The following HSD11B1L variants were observed in gnomAD, a reference collection of about 807,000 sequenced individuals.
HSD11B1L encodes hydroxysteroid 11-beta-dehydrogenase 1-like protein.
A neutral mutation model predicts 27.0 loss-of-function variants in HSD11B1L; 22 were observed. That is an observed-to-expected ratio of 0.81 (90% CI 0.58 to 1.16). HSD11B1L has a LOEUF of 1.16. Ranked by LOEUF, HSD11B1L falls within the 50% of genes most tolerant of loss-of-function variation. The pLI is 0.00. For missense variants in HSD11B1L, 372 were observed against 401.8 expected (o/e 0.93, Z 0.63); for synonymous variants, 187 against 189.2 (o/e 0.99, Z 0.09).
Position 5,687,717 on chromosome 19 carries a change from C to A in HSD11B1L, c.669-36C>A. The A allele has an allele frequency of 6.6e-7, 1 of 1,510,116 alleles. No individual in the cohort carries two copies. Among genetic ancestry groups the A allele is most frequent in the East Asian group, 2.5e-5 (1 of 40,610 alleles). The allele number at this position is 1,510,116 out of a possible 1,614,324, so 93.5% of individuals were successfully genotyped here. On this transcript the variant is annotated intron_variant, in intron 7 of 7. Coordinates refer to ENST00000339423, the MANE Select transcript of HSD11B1L (RefSeq NM_198706.3). This position sits in a 1 kb window ranked among gnomAD's most constrained non-coding sequence, Gnocchi z 6.6. ...CTGGGCTGGGGGCCATGGCCCAGCC[C>A]CAGCCGCAGTCCCCACCGTGCCCTC...
intron 4 of HSD11B1L, 86 bp from the exon 5 acceptor site, chr19:5,686,814 G>T: frequency 2.6e-6 from 3 of 1,163,034 alleles, no homozygotes; most frequent in Non-Finnish European, 3.6e-6. Context: ...CTGGACCAGC[G>T]CTCTGGGTGG....
rs1163232763 is a variant in HSD11B1L, at chr19:5,687,359, GGT to G, written c.489_490del (p.Ser164LeufsTer153). ...CGGACAGCAAGGGCTCCCTGGTGGT[GGT>G]GTCCTCGCTGCTCGGTGCGTGCACC... The part of the protein sequence containing the change: ...LTDSKGSLVV[V>X]SSLLGRVPTS... On this transcript the variant is annotated frameshift_variant, in exon 6 of 8. Transcript: ENST00000339423. LOFTEE classifies it high-confidence loss of function. This position sits in a 1 kb window ranked among gnomAD's most constrained non-coding sequence, Gnocchi z 6.6. The G allele has an allele frequency of 7.4e-6, 12 of 1,612,418 alleles. No homozygotes were observed. The highest frequency in any genetic ancestry group is 1.0e-5 in the Non-Finnish European group (12 of 1,179,698).
At position 5,687,174 on chromosome 19, in the gene HSD11B1L, G is replaced by A; in HGVS notation, c.409-108G>A. 7.6e-7 allele frequency: 1 copy of A among 1,317,696 alleles called. No individual in the cohort carries two copies. The highest frequency in any genetic ancestry group is 1.3e-5 in the South Asian group (1 of 76,418). The allele number at this position is 1,317,696 out of a possible 1,614,324, so 81.6% of individuals were successfully genotyped here. ...CCCCGCCCTCGGACCCGCCTTCCGG[G>A]TTTCTGGCCCCGTCTCTGACCCGGC... On this transcript the variant is annotated intron_variant, in intron 5 of 7. Transcript: ENST00000339423. This position sits in a 1 kb window ranked among gnomAD's most constrained non-coding sequence, Gnocchi z 6.6.
rs1568299839 is a variant in HSD11B1L at position 5,685,358 on chromosome 19, C to T, written c.204+239C>T. 1 of 652,148 alleles carries T rather than the reference C, an allele frequency of 1.5e-6. No individual in the cohort carries two copies. The highest frequency in any genetic ancestry group is 2.8e-6 in the Non-Finnish European group (1 of 356,508). The allele number at this position is 652,148 out of a possible 1,614,324, so 40.4% of individuals were successfully genotyped here. On this transcript the variant is annotated intron_variant, in intron 3 of 7. Coordinates refer to ENST00000339423, the MANE Select transcript of HSD11B1L (RefSeq NM_198706.3). The surrounding 1 kb of genome is among the most constrained non-coding windows in gnomAD (Gnocchi z 4.3). ...TGGGAGGCCGAGGAAAGTGGATCACCTGAGGTCAGGAGTTCAAGACCAGCC... is the reference window on the plus strand; with the variant it reads ...TGGGAGGCCGAGGAAAGTGGATCACTTGAGGTCAGGAGTTCAAGACCAGCC...
In HSD11B1L at chr19:5,687,443, G is replaced by A; in HGVS notation, c.503-60G>A. 1.3e-6 allele frequency: 2 copies of A among 1,594,974 alleles called. No individual in the cohort carries two copies. Among genetic ancestry groups the A allele is most frequent in the Non-Finnish European group, 1.7e-6 (2 of 1,174,898 alleles). On this transcript the variant is annotated intron_variant, in intron 6 of 7. Coordinates refer to ENST00000339423, the MANE Select transcript of HSD11B1L (RefSeq NM_198706.3). The surrounding 1 kb of genome is among the most constrained non-coding windows in gnomAD (Gnocchi z 6.6). The stretch of plus-strand genomic sequence containing the variant: ...AGCTCGATGCGGGTGAGCCTGGAGG[G>A]TCTGGGCAGGCTTCCCGGACGAGGG...
Position 5,687,471 on chromosome 19 carries a change from A to G in HSD11B1L, c.503-32A>G. ...TGGGCAGGCTTCCCGGACGAGGGGG[A>G]GCCACTCAGCCGCTGCCGTCCGCGC... On this transcript the variant is annotated intron_variant, in intron 6 of 7. Coordinates refer to ENST00000339423, the MANE Select transcript of HSD11B1L (RefSeq NM_198706.3). This position sits in a 1 kb window ranked among gnomAD's most constrained non-coding sequence, Gnocchi z 6.6. The G allele has an allele frequency of 6.3e-7, 1 of 1,586,598 alleles. No homozygotes were observed.
At chr19:5,684,298 G>T in intron 1 of HSD11B1L, 1 of 336,428 alleles carries the variant, frequency 3.0e-6, no homozygotes, top group Non-Finnish European at 5.4e-6. Context: ...TTCCAGGCAT[G>T]AGCCACCACA....
At chr19:5,684,394 A>G in intron 1 of HSD11B1L, 1 of 344,570 alleles carries the variant, frequency 2.9e-6, no homozygotes. Flanking sequence ...ACAGCATTCT[A>G]GGCAGTAGGA....
chr19:5,685,305 C>T lies in HSD11B1L; in HGVS notation c.204+186C>T, dbSNP rs1421567785. 5 of 801,838 alleles carry T rather than the reference C, an allele frequency of 6.2e-6. No individual in the cohort carries two copies. Among genetic ancestry groups the T allele is most frequent in the East Asian group, 2.7e-5 (1 of 37,206 alleles). 49.7% of individuals were successfully genotyped at this position (801,838 alleles called of 1,614,324 possible). On this transcript the variant is annotated intron_variant, in intron 3 of 7. Transcript: ENST00000339423. The surrounding 1 kb of genome is among the most constrained non-coding windows in gnomAD (Gnocchi z 4.3). ...AATAAAACCACTTTCTGGCCAGGCACGGTGGCTCACGCTTGTAGTCAGCAC... is the reference window on the plus strand; with the variant it reads ...AATAAAACCACTTTCTGGCCAGGCATGGTGGCTCACGCTTGTAGTCAGCAC...
chr19:5,685,055 A>G lies in HSD11B1L; in HGVS notation c.140A>G (p.Tyr47Cys). 2 of 1,560,550 alleles carry G rather than the reference A, an allele frequency of 1.3e-6. No homozygotes were observed. Among genetic ancestry groups the G allele is most frequent in the Non-Finnish European group, 1.7e-6 (2 of 1,152,218 alleles). The change falls in exon 3 of 8, where the codon TAT becomes TGT. Residue 47 changes from tyrosine (Y) to cysteine (C), a missense_variant. Tyr to Cys is a radical substitution (Grantham distance 194). Transcript: ENST00000339423. This position sits in a 1 kb window ranked among gnomAD's most constrained non-coding sequence, Gnocchi z 4.3. Reference protein sequence around the residue: ...ANAGVGEELAYHYARLGSHLV... With the variant: ...ANAGVGEELACHYARLGSHLV... ...GCTGGTGTTGGTGAGGAGCTGGCCT[A>G]TCACTACGCGCGTCTGGGCTCCCAC...
intron 1 of HSD11B1L, among the ~76,000 whole-genome samples, chr19:5,682,663 C>T (rs2054586296): frequency 6.6e-6 from 1 of 151,856 alleles, no homozygotes; most frequent in South Asian, 2.1e-4. Flanking sequence ...TGGAGGTTGT[C>T]AGGAGGAGAC....
rs2054718247 is a variant in HSD11B1L, at chr19:5,687,138, T to C, written c.409-144T>C. 3 of 1,127,176 alleles carry C rather than the reference T, an allele frequency of 2.7e-6. No homozygotes were observed. Among genetic ancestry groups the C allele is most frequent in the Non-Finnish European group, 3.8e-6 (3 of 790,836 alleles). 69.8% of individuals were successfully genotyped at this position (1,127,176 alleles called of 1,614,324 possible). A position where few individuals can be genotyped will look rare whatever the true frequency, so the allele number is the denominator to read the frequency against. ...CGCCCCTCCTAGCCCAAGCCCCTGC[T>C]CCGGCCTTGACCCCGCCCTCGGACC... On this transcript the variant is annotated intron_variant, in intron 5 of 7. Transcript: ENST00000339423. This position sits in a 1 kb window ranked among gnomAD's most constrained non-coding sequence, Gnocchi z 6.6.
Position 5,688,003 on chromosome 19 carries a change from T to C in HSD11B1L, c.*58T>C. 1 of 1,551,528 alleles carries C rather than the reference T, an allele frequency of 6.4e-7. No homozygotes were observed. Among genetic ancestry groups the C allele is most frequent in the Admixed American group, 2.0e-5 (1 of 51,030 alleles). On this transcript the variant is annotated 3_prime_UTR_variant, in exon 8 of 8. Coordinates refer to ENST00000339423, the MANE Select transcript of HSD11B1L (RefSeq NM_198706.3). ...CAATGTTCCTCCCTCCAACTGTCCC[T>C]GGAGCCAGAACACTCACAGAGACAC...
chr19:5,686,976 T>G lies in HSD11B1L; in HGVS notation c.393T>G (p.Thr131=). ...CGCGAGCCCGCAGCCCCCAGGCAAC[T>G]CGCTGGCTCATGCAGGTGCTCCGCT... ...AGTRARSPQA[T]RWLMQVNFVS... is the part of the protein sequence containing the mutation. Residue 131 remains threonine (T), a synonymous_variant, in exon 5 of 8, where the codon ACT becomes ACG. Transcript: ENST00000339423. 1 of 1,548,846 alleles carries G rather than the reference T, an allele frequency of 6.5e-7. No individual in the cohort carries two copies. The highest frequency in any genetic ancestry group is 8.7e-7 in the Non-Finnish European group (1 of 1,147,660).
chr19:5,687,894 G>T lies in HSD11B1L; in HGVS notation c.810G>T (p.Pro270=). The T allele has an allele frequency of 1.3e-6, 2 of 1,578,862 alleles. No homozygotes were observed. Among genetic ancestry groups the T allele is most frequent in the South Asian group, 2.3e-5 (2 of 87,220 alleles). ...TGCTCCGGCGCTGGCTACCGCGCCC[G>T]CGGGCCTGGTTTATCCGCCAGGAGC... is the stretch of plus-strand genomic sequence containing the variant. The part of the protein sequence containing the change: ...LCLLRRWLPR[P]RAWFIRQELN... Residue 270 remains proline (P), a synonymous_variant, in exon 8 of 8, where the codon CCG becomes CCT. Coordinates refer to ENST00000339423, the MANE Select transcript of HSD11B1L (RefSeq NM_198706.3). This position sits in a 1 kb window ranked among gnomAD's most constrained non-coding sequence, Gnocchi z 6.6.
intron 1 of HSD11B1L, among the ~76,000 whole-genome samples, chr19:5,682,054 G>A (rs987005712): frequency 2.0e-5 from 3 of 152,238 alleles, no homozygotes; most frequent in Non-Finnish European, 2.9e-5. Context: ...TGGGAAAGGT[G>A]AGGAGTTCAT....
At chr19:5,683,180 C>A (rs1321793722) in intron 1 of HSD11B1L, among the ~76,000 whole-genome samples, 5 of 147,806 alleles carry the variant, frequency 3.4e-5, no homozygotes, top group Non-Finnish European at 7.4e-5. Context: ...GTAATCCCAG[C>A]CTGTGCAACA....
At position 5,686,938 on chromosome 19, in the gene HSD11B1L, G is replaced by A; in HGVS notation, c.355G>A (p.Ala119Thr). ...DYLVLNHIGG[A>T]PAGTRARSPQ... Reference sequence around the variant, plus strand: ...CCTCGTGCTGAACCACATCGGCGGCGCCCCGGCCGGCACGCGAGCCCGCAG... The same window carrying A: ...CCTCGTGCTGAACCACATCGGCGGCACCCCGGCCGGCACGCGAGCCCGCAG... Residue 119 changes from alanine to threonine, a missense_variant, in exon 5 of 8, where the codon GCC becomes ACC. By Grantham distance (58) the Ala-to-Thr change is moderately conservative. Transcript: ENST00000339423. 1.9e-6 allele frequency: 3 copies of A among 1,552,780 alleles called. No individual in the cohort carries two copies. Among genetic ancestry groups the A allele is most frequent in the Non-Finnish European group, 2.6e-6 (3 of 1,149,338 alleles).
At position 5,687,967 on chromosome 19, in the gene HSD11B1L, G is replaced by A. The variant is rs1235048455; in HGVS notation, c.*22G>A. The A allele has an allele frequency of 1.3e-6, 2 of 1,554,858 alleles. No homozygotes were observed. The highest frequency in any genetic ancestry group is 1.4e-5 in the African/African-American group (1 of 73,172). ...CTGAGCACCGGGGGGTGCCCCTCCA[G>A]TCCCAGACGGCAATGTTCCTCCCTC... On this transcript the variant is annotated 3_prime_UTR_variant, in exon 8 of 8. Coordinates refer to ENST00000339423, the MANE Select transcript of HSD11B1L (RefSeq NM_198706.3). This position sits in a 1 kb window ranked among gnomAD's most constrained non-coding sequence, Gnocchi z 6.6.
Sources: allele counts gnomAD v4.1 joint callset (sites outside exome capture counted in the v4.1 genomes callset), GRCh38; gene constraint gnomAD v4.1.1; non-coding constraint Gnocchi (gnomAD v3.1); transcripts MANE v1.5; gene names NCBI Gene and HGNC (gene_info 2026-07-23, HGNC 2026-07-21).